Variants in DACH1 observed in about 807,000 individuals in gnomAD.
DACH1 encodes dachshund family transcription factor 1.
Under a neutral mutation model 54.2 loss-of-function variants are expected in DACH1, and 12 were observed. That is an observed-to-expected ratio of 0.22 (90% CI 0.14 to 0.36). The LOEUF is 0.36. Among genes scored for constraint, DACH1 ranks in the 10% least tolerant of loss-of-function variants. The probability of loss-of-function intolerance (pLI) is 1.00; values close to 1 mark genes in which losing one functional copy is unlikely to be tolerated. For synonymous variants in DACH1, 386 were observed against 366.2 expected (o/e 1.05, Z -0.62); for missense variants, 805 against 929.8 (o/e 0.87, Z 1.75).
intron 1 of DACH1, among the ~76,000 whole-genome samples, chr13:71,721,102 T>A (rs377699575): frequency 6.6e-6 from 1 of 152,170 alleles, no homozygotes; most frequent in African/African-American, 2.4e-5. Context: ...ATCCTTTATT[T>A]GAAGAAAGTA....
intron 1 of DACH1, among the ~76,000 whole-genome samples, chr13:71,779,162 TATACGTATATATATACAC>T (rs1387116876): frequency 3.7e-5 from 3 of 80,560 alleles, no homozygotes; most frequent in African/African-American, 1.5e-4. Flanking sequence ...TATATACGTA[TATACGTATATATATACAC>T]ATATATACGT....
chr13:71,681,713 C>G, intron 2 of DACH1, 82 bp downstream of exon 2: 1 of 882,538 alleles, frequency 1.1e-6, no homozygotes, highest in Non-Finnish European at 1.8e-6. Flanking sequence ...GTGTAAATAT[C>G]GATGTCACCA....
chr13:71,567,276 T>C (rs1279834277), intron 4 of DACH1, among the ~76,000 whole-genome samples: 2 of 152,006 alleles, frequency 1.3e-5, no homozygotes, highest in East Asian at 1.9e-4. Context: ...CAATGTAGGG[T>C]AATTTGAATG....
At chr13:71,842,298 C>T (rs920536964) in intron 1 of DACH1, among the ~76,000 whole-genome samples, 29 of 152,104 alleles carry the variant, frequency 1.9e-4, no homozygotes, top group African/African-American at 5.1e-4. Flanking sequence ...ATTTTATGGT[C>T]GGGCGTGGTG....
At chr13:71,765,009 T>C (rs9572782) in intron 1 of DACH1, among the ~76,000 whole-genome samples, 21,948 of 152,144 alleles carry the variant, frequency 0.14, 3,469 homozygotes, top group East Asian at 0.85. Context: ...TCTCTCAAAA[T>C]CCTTATACCC....
chr13:71,721,666 A>G (rs1883235173), intron 1 of DACH1, among the ~76,000 whole-genome samples: 1 of 152,142 alleles, frequency 6.6e-6, no homozygotes, highest in African/African-American at 2.4e-5. Flanking sequence ...CTTTTGTTTC[A>G]GTAATTTGCT....
intron 1 of DACH1, among the ~76,000 whole-genome samples, chr13:71,737,989 A>G (rs1884213057): frequency 6.6e-6 from 1 of 152,170 alleles, no homozygotes; most frequent in Non-Finnish European, 1.5e-5. Context: ...TGGTGGTGGA[A>G]TTTATATGTG....
chr13:71,719,162 TA>T, intron 1 of DACH1, among the ~76,000 whole-genome samples: 1 of 152,190 alleles, frequency 6.6e-6, no homozygotes, highest in East Asian at 1.9e-4. Flanking sequence ...TAATTAAAGT[TA>T]AAAGCTTAAA....
At chr13:71,455,121 T>C (rs568677303) in intron 10 of DACH1, among the ~76,000 whole-genome samples, 1 of 152,330 alleles carries the variant, frequency 6.6e-6, no homozygotes, top group Admixed American at 6.5e-5. Context: ...CTAACTTGCA[T>C]GTTTCCCAGA....
chr13:71,564,742 T>C (rs1310004683), intron 4 of DACH1, among the ~76,000 whole-genome samples: 1 of 152,170 alleles, frequency 6.6e-6, no homozygotes, highest in Non-Finnish European at 1.5e-5. Context: ...TTTTATCAAA[T>C]TAAAATATTT....
chr13:71,772,746 A>G (rs896887783), intron 1 of DACH1, among the ~76,000 whole-genome samples: 1 of 151,788 alleles, frequency 6.6e-6, no homozygotes, highest in Non-Finnish European at 1.5e-5. Flanking sequence ...TAGTATTTCC[A>G]TGAAAATTAT....
At chr13:71,827,236 A>G (rs562234088) in intron 1 of DACH1, among the ~76,000 whole-genome samples, 1 of 152,172 alleles carries the variant, frequency 6.6e-6, no homozygotes, top group East Asian at 1.9e-4. Flanking sequence ...TAAGAAGGCA[A>G]TATTACAATC....
chr13:71,614,768 T>C (rs1028139884), intron 3 of DACH1, among the ~76,000 whole-genome samples: 1 of 149,836 alleles, frequency 6.7e-6, no homozygotes, highest in African/African-American at 2.5e-5. Context: ...GCAGGAGGAT[T>C]ACTTGAGCTC....
chr13:71,466,267 C>T (rs1876556177), intron 10 of DACH1, among the ~76,000 whole-genome samples: 1 of 152,130 alleles, frequency 6.6e-6, no homozygotes, highest in African/African-American at 2.4e-5. Context: ...CTATTTTTGA[C>T]TATTGGTCTT....
At chr13:71,483,399 A>G (rs1038995563) in intron 7 of DACH1, among the ~76,000 whole-genome samples, 24 of 147,292 alleles carry the variant, frequency 1.6e-4, no homozygotes, top group African/African-American at 5.6e-4. Flanking sequence ...TTAAATTATG[A>G]TTAAATTTAA....
intron 1 of DACH1, among the ~76,000 whole-genome samples, chr13:71,694,531 A>G (rs915089686): frequency 1.3e-5 from 2 of 152,232 alleles, no homozygotes; most frequent in African/African-American, 4.8e-5. Context: ...TTCTTGATGA[A>G]GCATTTTCTT....
At chr13:71,538,768 T>C (rs899128088) in intron 6 of DACH1, among the ~76,000 whole-genome samples, 1 of 152,106 alleles carries the variant, frequency 6.6e-6, no homozygotes, top group Non-Finnish European at 1.5e-5. Context: ...TGCTGGCACC[T>C]ATCTTACCTA....
intron 1 of DACH1, among the ~76,000 whole-genome samples, chr13:71,786,110 G>A (rs936855815): frequency 2.0e-5 from 3 of 152,058 alleles, no homozygotes; most frequent in South Asian, 4.1e-4. Context: ...AGATTCAGGA[G>A]TAAGCCACAG....
At chr13:71,592,230 G>T (rs1873760358) in intron 3 of DACH1, among the ~76,000 whole-genome samples, 1 of 151,972 alleles carries the variant, frequency 6.6e-6, no homozygotes, top group South Asian at 2.1e-4. Context: ...GAGAATTAGG[G>T]GCTGAGTGCC....
Sources: allele counts gnomAD v4.1 joint callset (sites outside exome capture counted in the v4.1 genomes callset), GRCh38; gene constraint gnomAD v4.1.1; transcripts MANE v1.5; gene names NCBI Gene and HGNC (gene_info 2026-07-23, HGNC 2026-07-21).